The following EIF4G3 variants were observed in gnomAD, a reference collection of about 807,000 sequenced individuals.
The protein encoded by EIF4G3 is eukaryotic translation initiation factor 4 gamma 3, also known as eIF-4-gamma 3.
EIF4G3 carries 34 observed loss-of-function variants against 186.4 expected under a neutral mutation model. The observed-to-expected ratio is 0.18, with a 90% confidence interval of 0.14 to 0.24. EIF4G3 has a LOEUF of 0.24. Ranked by LOEUF, EIF4G3 falls within the 10% of genes least tolerant of loss-of-function variation. The pLI, the probability that EIF4G3 is intolerant of heterozygous loss-of-function variation, is 1.00. For missense variants in EIF4G3, 1,536 were observed against 1,948.5 expected (o/e 0.79, Z 3.99); for synonymous variants, 673 against 679.5 (o/e 0.99, Z 0.15).
At chr1:20,910,716 T>C in intron 14 of EIF4G3, among the ~76,000 whole-genome samples, 1 of 152,262 alleles carries the variant, frequency 6.6e-6, no homozygotes, top group East Asian at 1.9e-4. Flanking sequence ...CAGATTTTTA[T>C]GAGCCACTTC....
intron 19 of EIF4G3, 118 bp downstream of exon 19, chr1:20,886,083 G>A (rs1394828173): frequency 7.2e-6 from 9 of 1,252,556 alleles, no homozygotes; most frequent in Non-Finnish European, 8.9e-6. Context: ...TCTTTTAATA[G>A]GAAAATGTTA....
chr1:20,910,582 C>CA (rs903331714), intron 14 of EIF4G3, among the ~76,000 whole-genome samples: 1 of 151,586 alleles, frequency 6.6e-6, no homozygotes, highest in Admixed American at 6.6e-5. Flanking sequence ...GACTCCGACT[C>CA]AAAAAAACAA....
intron 7 of EIF4G3, among the ~76,000 whole-genome samples, chr1:20,986,657 G>A (rs963512160): frequency 1.0e-4 from 15 of 144,192 alleles, no homozygotes; most frequent in African/African-American, 3.9e-4. Context: ...GCTGAAGCAG[G>A]AGAATGGCGT....
chr1:20,945,351 T>C (rs1298361758), intron 13 of EIF4G3, among the ~76,000 whole-genome samples: 2 of 152,294 alleles, frequency 1.3e-5, no homozygotes, highest in East Asian at 1.9e-4. Flanking sequence ...TGTTCAACAA[T>C]AGAGATTTAT....
chr1:21,028,829 A>G (rs955267286), intron 4 of EIF4G3, among the ~76,000 whole-genome samples: 39 of 152,244 alleles, frequency 2.6e-4, no homozygotes, highest in African/African-American at 8.7e-4. Context: ...AAGATTATCA[A>G]GCAGCTAAGT....
chr1:21,068,869 ACAGTTAC>A (rs1017131209), intron 3 of EIF4G3, among the ~76,000 whole-genome samples: 6 of 152,160 alleles, frequency 3.9e-5, no homozygotes, highest in African/African-American at 1.4e-4. Context: ...ACACCTGCAA[ACAGTTAC>A]CAGTTCAGCA....
intron 7 of EIF4G3, among the ~76,000 whole-genome samples, chr1:20,994,207 C>T (rs2154568184): frequency 1.3e-5 from 2 of 152,246 alleles, no homozygotes; most frequent in South Asian, 4.1e-4. Flanking sequence ...AATGCCAATA[C>T]CTATCCCATA....
chr1:20,959,406 A>C (rs10799674), intron 12 of EIF4G3, among the ~76,000 whole-genome samples: 4,993 of 152,160 alleles, frequency 0.033, 274 homozygotes, highest in African/African-American at 0.11. Flanking sequence ...CAAAGACTTA[A>C]ATATAAGACC....
intron 12 of EIF4G3, among the ~76,000 whole-genome samples, chr1:20,962,491 T>A (rs1183172185): frequency 1.3e-5 from 2 of 152,172 alleles, no homozygotes; most frequent in Non-Finnish European, 2.9e-5. Context: ...CAGCTGCAGA[T>A]CTCAATCTAT....
chr1:20,919,637 G>T (rs2094303992), intron 14 of EIF4G3, among the ~76,000 whole-genome samples: 3 of 152,086 alleles, frequency 2.0e-5, no homozygotes, highest in African/African-American at 7.2e-5. Context: ...TTAAGGCAAG[G>T]AAAAGTCTTT....
intron 2 of EIF4G3, among the ~76,000 whole-genome samples, chr1:21,138,660 A>G (rs1331338901): frequency 6.6e-6 from 1 of 152,066 alleles, no homozygotes; most frequent in Non-Finnish European, 1.5e-5. Flanking sequence ...TCTACTAAAA[A>G]TATAGCCAGG....
Position 20,969,522 on chromosome 1 carries a change from A to G in EIF4G3, c.666T>C (p.Asn222=). 6.2e-7 allele frequency: 1 copy of G among 1,613,906 alleles called. No homozygotes were observed. The highest frequency in any genetic ancestry group is 8.5e-7 in the Non-Finnish European group (1 of 1,179,890). Reference sequence around the variant, plus strand: ...TGGGTCTTCCTATGGGTGGAGTAGGATTTCTGCTGCCACCTCCAGACATAA... The same window carrying G: ...TGGGTCTTCCTATGGGTGGAGTAGGGTTTCTGCTGCCACCTCCAGACATAA... ...EEIMSGGGSR[N]PTPPIGRPTS... The change falls in exon 12 of 37, where the codon AAT becomes AAC. Residue 222 remains asparagine (N), a synonymous_variant. Transcript: ENST00000602326.
chr1:20,938,221 G>A (rs1045954965), intron 14 of EIF4G3, among the ~76,000 whole-genome samples: 2 of 151,914 alleles, frequency 1.3e-5, no homozygotes, highest in African/African-American at 2.4e-5. Flanking sequence ...TCCCAAACTC[G>A]TGACCTCAGG....
At chr1:20,903,498 T>C (rs557728560) in intron 15 of EIF4G3, among the ~76,000 whole-genome samples, 2 of 152,332 alleles carry the variant, frequency 1.3e-5, no homozygotes, top group Admixed American at 1.3e-4. Flanking sequence ...AGCAGGAATG[T>C]ATGTGATTCC....
intron 20 of EIF4G3, among the ~76,000 whole-genome samples, chr1:20,872,717 T>TG (rs1234378457): frequency 7.1e-6 from 1 of 140,304 alleles, no homozygotes; most frequent in Non-Finnish European, 1.6e-5. Flanking sequence ...TCTTGCCTTT[T>TG]TTTTTTTTTT....
At chr1:21,051,334 G>C (rs1395172621) in intron 3 of EIF4G3, among the ~76,000 whole-genome samples, 1 of 152,112 alleles carries the variant, frequency 6.6e-6, no homozygotes, top group African/African-American at 2.4e-5. Context: ...GAAATAAATG[G>C]TTGAAAGAGG....
rs369504531 is a variant in EIF4G3 at position 20,903,167 on chromosome 1, T to C, written c.1752+1716A>G. 3.0e-4 allele frequency among the ~76,000 whole-genome samples: 46 copies of C among 152,346 alleles called. 1 individual carries two copies. Among genetic ancestry groups the C allele is most frequent in the African/African-American group, 1.0e-3 (42 of 41,578 alleles). On this transcript the variant is annotated intron_variant, in intron 15 of 36. Coordinates refer to ENST00000602326, the MANE Select transcript of EIF4G3 (RefSeq NM_001391906.1). ...ATATTTCCTGGCATACAAATTCACA[T>C]TTCAATGTCCACCAATAAAGTTTTG...
chr1:21,101,025 A>C (rs1481491665), intron 2 of EIF4G3, among the ~76,000 whole-genome samples: 1 of 152,210 alleles, frequency 6.6e-6, no homozygotes, highest in Non-Finnish European at 1.5e-5. Flanking sequence ...AAGTCAAAGC[A>C]CGCTTATACT....
chr1:20,918,466 C>G (rs112166493), intron 14 of EIF4G3, among the ~76,000 whole-genome samples: 166 of 151,800 alleles, frequency 1.1e-3, no homozygotes, highest in African/African-American at 3.9e-3. Context: ...TCATAGCCTC[C>G]CAAAGTGCTG....
Sources: allele counts gnomAD v4.1 joint callset (sites outside exome capture counted in the v4.1 genomes callset), GRCh38; gene constraint gnomAD v4.1.1; transcripts MANE v1.5; gene names NCBI Gene and HGNC (gene_info 2026-07-23, HGNC 2026-07-21).